Variants in PIK3C2G observed in about 807,000 individuals in gnomAD.
PIK3C2G encodes the protein phosphatidylinositol-4-phosphate 3-kinase catalytic subunit type 2 gamma.
PIK3C2G carries 168 observed loss-of-function variants against 181.1 expected under a neutral mutation model. That is an observed-to-expected ratio of 0.93 (90% CI 0.82 to 1.05). The LOEUF is 1.05. PIK3C2G is among the 50% of genes least tolerant of loss of function. The pLI is 0.00. For synonymous variants in PIK3C2G, 573 were observed against 592.2 expected (o/e 0.97, Z 0.47); for missense variants, 1,869 against 1,732.8 (o/e 1.08, Z -1.40).
intron 16 of PIK3C2G, among the ~76,000 whole-genome samples, chr12:18,419,178 G>A (rs1490207135): frequency 1.3e-5 from 2 of 152,132 alleles, no homozygotes; most frequent in African/African-American, 4.8e-5. Context: ...CCTTTCTGGA[G>A]TTTGCATTCT....
chr12:18,562,420 C>A (rs1182660308), intron 26 of PIK3C2G, among the ~76,000 whole-genome samples: 2 of 152,222 alleles, frequency 1.3e-5, no homozygotes, highest in East Asian at 3.9e-4. Flanking sequence ...GCGTGAGCCA[C>A]CGCGCCGGGC....
chr12:18,285,532 G>A (rs1413695102), intron 2 of PIK3C2G: 1 of 151,970 alleles, frequency 6.6e-6, no homozygotes, highest in Non-Finnish European at 1.5e-5. Context: ...TGTGTATGTG[G>A]ATAAAAACTA....
chr12:18,509,021 ATAT>A (rs879297181), intron 24 of PIK3C2G, among the ~76,000 whole-genome samples: 14 of 151,776 alleles, frequency 9.2e-5, no homozygotes, highest in South Asian at 2.1e-4. Flanking sequence ...GGTTTACACA[ATAT>A]TATTATTATT....
the PIK3C2G span, among the ~76,000 whole-genome samples, chr12:18,680,048 C>G: frequency 6.6e-6 from 1 of 151,834 alleles, no homozygotes; most frequent in Non-Finnish European, 1.5e-5. Context: ...TCATAAGAAC[C>G]CTTTGTTGGT....
chr12:18,508,637 T>G (rs1942004963), intron 24 of PIK3C2G, among the ~76,000 whole-genome samples: 2 of 152,160 alleles, frequency 1.3e-5, no homozygotes, highest in Non-Finnish European at 2.9e-5. Flanking sequence ...ATTAACCCAC[T>G]TATGCTGGAG....
chr12:18,437,618 T>C lies in PIK3C2G; in HGVS notation c.2504+13579T>C, dbSNP rs577002244. Among the ~76,000 whole-genome samples, 15 of 152,096 alleles carry C rather than the reference T, an allele frequency of 9.9e-5. No homozygotes were observed. In the South Asian group the frequency reaches 1.5e-3, roughly 15 times the overall value. On this transcript the variant is annotated intron_variant, in intron 18 of 32. Transcript: ENST00000538779. ...TGTATGTGTCACTTTCCTTTTTAAA[T>C]TGGGCACTAGGCCCATATGTTCCTG...
At chr12:18,641,250 C>T (rs148699940) in intron 32 of PIK3C2G, among the ~76,000 whole-genome samples, 126 of 152,270 alleles carry the variant, frequency 8.3e-4, no homozygotes, top group African/African-American at 2.9e-3. Context: ...CAAACTTATC[C>T]AAAATTAACC....
In PIK3C2G at chr12:18,339,158, C is replaced by T. The variant is rs573363824; in HGVS notation, c.1395+610C>T. ...TGAATTCTCAGAAATCTGATGTAGA[C>T]CTGTAAGTGATTATTTTCCAAGAAA... On this transcript the variant is annotated intron_variant, in intron 9 of 32. Transcript: ENST00000538779. Among the ~76,000 whole-genome samples the T allele has an allele frequency of 9.9e-5, 15 of 151,968 alleles. No individual in the cohort carries two copies. In the East Asian group the frequency reaches 2.9e-3, roughly 29 times the overall value.
chr12:18,684,053 T>C, the PIK3C2G span: 9 of 1,492,070 alleles, frequency 6.0e-6, no homozygotes, highest in Non-Finnish European at 8.3e-6. Flanking sequence ...AGCTATTTGG[T>C]ATGTCAAAAT....
intron 18 of PIK3C2G, among the ~76,000 whole-genome samples, chr12:18,440,613 C>T (rs1394316204): frequency 6.6e-6 from 1 of 151,926 alleles, no homozygotes; most frequent in Admixed American, 6.6e-5. Context: ...TGTGCAAAGG[C>T]ATTAAGGTGT....
At chr12:18,696,871 CT>C in the PIK3C2G span, among the ~76,000 whole-genome samples, 1 of 152,100 alleles carries the variant, frequency 6.6e-6, no homozygotes, top group African/African-American at 2.4e-5. Context: ...ACTTTCAATG[CT>C]TTTAATTATT....
the PIK3C2G span, among the ~76,000 whole-genome samples, chr12:18,722,643 A>T: frequency 6.6e-6 from 1 of 152,046 alleles, no homozygotes; most frequent in African/African-American, 2.4e-5. Context: ...TTTTATTTCA[A>T]AATGAACATA....
intron 30 of PIK3C2G, among the ~76,000 whole-genome samples, chr12:18,597,982 C>T (rs1947472342): frequency 6.6e-6 from 1 of 151,802 alleles, no homozygotes; most frequent in South Asian, 2.1e-4. Flanking sequence ...CAAACCACTG[C>T]TCAAGGAAAT....
At chr12:18,361,761 G>A (rs1468627270) in intron 11 of PIK3C2G, among the ~76,000 whole-genome samples, 1 of 152,138 alleles carries the variant, frequency 6.6e-6, no homozygotes, top group African/African-American at 2.4e-5. Context: ...TTTGTTTTCA[G>A]TAGTGTGGAC....
chr12:18,291,026 C>T lies in PIK3C2G; in HGVS notation c.919+14C>T, dbSNP rs750055964. On this transcript the variant is annotated intron_variant, in intron 4 of 32. Coordinates refer to ENST00000538779, the MANE Select transcript of PIK3C2G (RefSeq NM_001288772.2). The stretch of plus-strand genomic sequence containing the variant: ...TTATGCCATGTGGTAAGCAACCTTG[C>T]AAATAAGTCTACAAATCTATACAAA... 2 of 1,555,366 alleles carry T rather than the reference C, an allele frequency of 1.3e-6. No homozygotes were observed.
chr12:18,495,336 A>C lies in PIK3C2G; in HGVS notation c.2794-726A>C, dbSNP rs536307733. ...CAGGCAACTAGGAAAGTAGAGTGAA[A>C]AGTAGTCAACATCACAAAGCTGAAA... On this transcript the variant is annotated intron_variant, in intron 20 of 32. Coordinates refer to ENST00000538779, the MANE Select transcript of PIK3C2G (RefSeq NM_001288772.2). Among the ~76,000 whole-genome samples, 9 of 152,258 alleles carry C rather than the reference A, an allele frequency of 5.9e-5. No homozygotes were observed. In the East Asian group the frequency reaches 1.2e-3, roughly 20 times the overall value.
chr12:18,553,011 AG>A (rs1323844915), intron 26 of PIK3C2G, among the ~76,000 whole-genome samples: 3 of 152,064 alleles, frequency 2.0e-5, no homozygotes, highest in Admixed American at 6.6e-5. Flanking sequence ...TACTGAAAAA[AG>A]ATGAATAGTC....
At chr12:18,610,661 C>T (rs1283830791) in intron 31 of PIK3C2G, among the ~76,000 whole-genome samples, 1 of 151,976 alleles carries the variant, frequency 6.6e-6, no homozygotes, top group Admixed American at 6.6e-5. Context: ...ATTAGATAAT[C>T]AATCTTAAAT....
intron 5 of PIK3C2G, among the ~76,000 whole-genome samples, chr12:18,308,795 A>G (rs1014657830): frequency 5.3e-5 from 8 of 151,692 alleles, no homozygotes; most frequent in African/African-American, 1.9e-4. Context: ...ATTAAAAATG[A>G]TAAACTTATT....
Sources: allele counts gnomAD v4.1 joint callset (sites outside exome capture counted in the v4.1 genomes callset), GRCh38; gene constraint gnomAD v4.1.1; transcripts MANE v1.5; gene names NCBI Gene and HGNC (gene_info 2026-07-23, HGNC 2026-07-21).